ARB2A: variants seen among roughly 807,000 people sequenced by gnomAD.
The protein encoded by ARB2A is ARB2 cotranscriptional regulator A, also known as cotranscriptional regulator ARB2A.
At chr5:93,685,248 T>G in the ARB2A span, among the ~76,000 whole-genome samples, 1 of 152,204 alleles carries the variant, frequency 6.6e-6, no homozygotes, top group Non-Finnish European at 1.5e-5. Flanking sequence ...CCTGGTTATA[T>G]TTAAGGCTTA....
chr5:94,069,673 G>A, the ARB2A span, among the ~76,000 whole-genome samples: 1 of 152,078 alleles, frequency 6.6e-6, no homozygotes, highest in East Asian at 1.9e-4. Flanking sequence ...ATGGCCAATA[G>A]GTATGTTAAA....
the ARB2A span, among the ~76,000 whole-genome samples, chr5:94,022,878 T>C: frequency 6.6e-6 from 1 of 152,184 alleles, no homozygotes; most frequent in Non-Finnish European, 1.5e-5. Flanking sequence ...AATCAGACCA[T>C]GGGAAGGTCA....
chr5:93,855,852 A>T, the ARB2A span, among the ~76,000 whole-genome samples: 1 of 152,026 alleles, frequency 6.6e-6, no homozygotes, highest in Non-Finnish European at 1.5e-5. Context: ...AGATAAAACC[A>T]CAAAGATGGG....
At chr5:93,625,553 G>C in the ARB2A span, among the ~76,000 whole-genome samples, 1 of 152,124 alleles carries the variant, frequency 6.6e-6, no homozygotes, top group African/African-American at 2.4e-5. Context: ...AAAGGCAGGG[G>C]ATCGTCCAAT....
the ARB2A span, among the ~76,000 whole-genome samples, chr5:94,095,457 AG>A: frequency 6.6e-6 from 1 of 152,158 alleles, no homozygotes; most frequent in East Asian, 1.9e-4. Context: ...ATGCACACAC[AG>A]ATAGCCATGA....
At chr5:94,054,428 A>G in the ARB2A span, among the ~76,000 whole-genome samples, 278 of 152,160 alleles carry the variant, frequency 1.8e-3, 1 homozygote, top group Non-Finnish European at 3.0e-3. Context: ...ATGACCCTCA[A>G]TTTGGGTTCG....
the ARB2A span, among the ~76,000 whole-genome samples, chr5:93,917,893 C>T: frequency 1.3e-5 from 2 of 152,144 alleles, no homozygotes; most frequent in African/African-American, 4.8e-5. Context: ...CAAAACAAAA[C>T]AGTGGTTCTT....
chr5:93,916,295 C>T, the ARB2A span, among the ~76,000 whole-genome samples: 1 of 151,964 alleles, frequency 6.6e-6, no homozygotes, highest in Non-Finnish European at 1.5e-5. Context: ...AAGTGAGAAA[C>T]AGAAACTAAG....
chr5:94,083,607 C>G, the ARB2A span, among the ~76,000 whole-genome samples: 1 of 152,022 alleles, frequency 6.6e-6, no homozygotes, highest in Non-Finnish European at 1.5e-5. Flanking sequence ...TTGTAAAAGT[C>G]TCTTCAAAAT....
the ARB2A span, among the ~76,000 whole-genome samples, chr5:93,969,479 T>C: frequency 6.6e-6 from 1 of 152,106 alleles, no homozygotes; most frequent in African/African-American, 2.4e-5. Flanking sequence ...AAAAATAATT[T>C]TGAGATTATA....
chr5:94,111,150 T>A, the ARB2A span, among the ~76,000 whole-genome samples: 1 of 152,122 alleles, frequency 6.6e-6, no homozygotes, highest in African/African-American at 2.4e-5. Context: ...TAATAATACT[T>A]TTTGTAGAAA....
chr5:93,793,872 C>T, the ARB2A span, among the ~76,000 whole-genome samples: 6 of 152,272 alleles, frequency 3.9e-5, no homozygotes, highest in Non-Finnish European at 8.8e-5. Context: ...AGCTCAGAAC[C>T]CAAAATGGCC....
chr5:94,069,039 A>AAGATAGATAGATAGAT, the ARB2A span, among the ~76,000 whole-genome samples: 2,728 of 140,354 alleles, frequency 0.019, 35 homozygotes, highest in East Asian at 0.025. Context: ...CTGTCTTAAA[A>AAGATAGATAGATAGAT]AGATAGATAG....
At chr5:93,800,381 TCACACACACACACACA>T in the ARB2A span, among the ~76,000 whole-genome samples, 13 of 141,056 alleles carry the variant, frequency 9.2e-5, no homozygotes, top group South Asian at 4.6e-4. Context: ...CTGCATATTT[TCACACACACACACACA>T]CACACACACA....
chr5:93,620,692 A>C, the ARB2A span: 3 of 266,586 alleles, frequency 1.1e-5, no homozygotes, highest in East Asian at 6.7e-5. Context: ...CTTCAGGGCA[A>C]TTAGAGCTTC....
chr5:93,662,017 G>A, the ARB2A span, among the ~76,000 whole-genome samples: 1 of 152,126 alleles, frequency 6.6e-6, no homozygotes, highest in Non-Finnish European at 1.5e-5. Context: ...TCGCATGAGA[G>A]CTAAGTGGCA....
At chr5:93,689,695 C>T in the ARB2A span, among the ~76,000 whole-genome samples, 2 of 151,878 alleles carry the variant, frequency 1.3e-5, no homozygotes, top group East Asian at 1.9e-4. Context: ...CTTGTTTTCT[C>T]TCTTTTTTTT....
At chr5:93,856,157 C>T in the ARB2A span, among the ~76,000 whole-genome samples, 1 of 152,210 alleles carries the variant, frequency 6.6e-6, no homozygotes, top group Non-Finnish European at 1.5e-5. Flanking sequence ...AAGAGATCCG[C>T]TGTTAGTCTG....
At chr5:93,866,517 A>C in the ARB2A span, among the ~76,000 whole-genome samples, 2 of 152,192 alleles carry the variant, frequency 1.3e-5, no homozygotes, top group Non-Finnish European at 2.9e-5. Flanking sequence ...CAGAATATGA[A>C]TGGAGAGAAA....
Sources: allele counts gnomAD v4.1 joint callset (sites outside exome capture counted in the v4.1 genomes callset), GRCh38; gene constraint gnomAD v4.1.1; transcripts MANE v1.5; gene names NCBI Gene and HGNC (gene_info 2026-07-23, HGNC 2026-07-21).